The following CCNT2 variants were observed in gnomAD, a reference collection of about 807,000 sequenced individuals.
The protein encoded by CCNT2 is cyclin-T2.
CCNT2 carries 18 observed loss-of-function variants against 70.0 expected under a neutral mutation model. The ratio of observed to expected loss-of-function variants is 0.26; its 90% CI spans 0.18 to 0.38. CCNT2 has a LOEUF of 0.38. Ranked by LOEUF, CCNT2 falls within the 10% of genes least tolerant of loss-of-function variation. The pLI is 1.00. For synonymous variants in CCNT2, 334 were observed against 313.3 expected, an observed-to-expected ratio of 1.07 and a Z score of -0.70; for missense variants, 734 against 890.2, an observed-to-expected ratio of 0.82 and a Z score of 2.23.
intron 4 of CCNT2, among the ~76,000 whole-genome samples, chr2:134,940,482 AACAG>A (rs1424844469): frequency 6.7e-6 from 1 of 150,114 alleles, no homozygotes; most frequent in Non-Finnish European, 1.5e-5. Flanking sequence ...TAGGCACACA[AACAG>A]ACAATATGTG....
At chr2:134,925,955 T>C (rs1466362260) in intron 2 of CCNT2, among the ~76,000 whole-genome samples, 7 of 140,166 alleles carry the variant, frequency 5.0e-5, no homozygotes, top group African/African-American at 1.9e-4. Context: ...AGCATCAACC[T>C]CCTGGGTTCA....
chr2:134,930,287 A>G (rs1294625273), intron 2 of CCNT2, among the ~76,000 whole-genome samples: 2 of 152,220 alleles, frequency 1.3e-5, no homozygotes, highest in Admixed American at 6.5e-5. Context: ...AGGTCCGTTC[A>G]TGGTGTAGAA....
intron 5 of CCNT2, chr2:134,943,714 A>G: frequency 1.0e-6 from 1 of 985,212 alleles, no homozygotes. Context: ...TATTTTTTAC[A>G]CAGTTGCATG....
intron 5 of CCNT2, chr2:134,945,627 TGTGTTTTGTGGGGTG>T: frequency 3.0e-6 from 3 of 985,464 alleles, no homozygotes; most frequent in Non-Finnish European, 3.6e-6. Context: ...GTTTGTGCTC[TGTGTTTTGTGGGGTG>T]GGGGTTTGTT....
intron 2 of CCNT2, among the ~76,000 whole-genome samples, chr2:134,922,718 C>G (rs1680003764): frequency 6.6e-6 from 1 of 152,170 alleles, no homozygotes; most frequent in Admixed American, 6.5e-5. Context: ...GCACCCACCC[C>G]CCAAGTCACA....
rs1196921692 is a variant in CCNT2, at chr2:134,958,210, C to T, written c.*3562C>T. ...GGGGACTTTTTTAACATGGTAACGT[C>T]TTAGGAAAACCATTCTCTCAAGGTA... On this transcript the variant is annotated 3_prime_UTR_variant, in exon 9 of 9. Transcript: ENST00000264157. The T allele has an allele frequency of 6.6e-6, 1 of 152,198 alleles. No individual in the cohort carries two copies. The highest frequency in any genetic ancestry group is 2.4e-5 in the African/African-American group (1 of 41,450). 9.4% of individuals were successfully genotyped at this position (152,198 alleles called of 1,614,324 possible). A position where few individuals can be genotyped will look rare whatever the true frequency, so the allele number is the denominator to read the frequency against.
rs1682836988 is a variant in CCNT2, at chr2:134,954,920, G to T, written c.*272G>T. The T allele has an allele frequency of 3.0e-6, 1 of 334,672 alleles. No individual in the cohort carries two copies. Among genetic ancestry groups the T allele is most frequent in the Non-Finnish European group, 5.5e-6 (1 of 182,852 alleles). The allele number at this position is 334,672 out of a possible 1,614,324, so 20.7% of individuals were successfully genotyped here. A position where few individuals can be genotyped will look rare whatever the true frequency, so the allele number is the denominator to read the frequency against. ...GCAGCTAAGAACATTAGGATGAATG[G>T]CTGGCTGCTTCTAGGAATATAAGAT... On this transcript the variant is annotated 3_prime_UTR_variant, in exon 9 of 9. Transcript: ENST00000264157.
intron 5 of CCNT2, 96 bp downstream of exon 5, chr2:134,942,770 G>A: frequency 1.4e-6 from 2 of 1,405,144 alleles, no homozygotes; most frequent in Non-Finnish European, 1.9e-6. Flanking sequence ...CTTTTGTTAG[G>A]TTTCATTAAA....
At position 134,944,025 on chromosome 2, in the gene CCNT2, T is replaced by A. The variant is rs1681765390; in HGVS notation, c.493+1351T>A. 1.0e-5 allele frequency: 10 copies of A among 984,612 alleles called. No homozygotes were observed. In the South Asian group the frequency reaches 4.2e-4, roughly 42 times the overall value. 61.0% of individuals were successfully genotyped at this position (984,612 alleles called of 1,614,324 possible). ...TTAGTGGCTACAATTTTTTAAAAAC[T>A]GTCTGATAGTGTCATTAGGAAGTAG... On this transcript the variant is annotated intron_variant, in intron 5 of 8. Coordinates refer to ENST00000264157, the MANE Select transcript of CCNT2 (RefSeq NM_058241.3).
chr2:134,944,414 GGTTACT>G, intron 5 of CCNT2: 1 of 966,874 alleles, frequency 1.0e-6, no homozygotes, highest in South Asian at 4.8e-5. Context: ...TGGATTTTCA[GGTTACT>G]GTTGTGAAAT....
chr2:134,928,623 T>G (rs1680486476), intron 2 of CCNT2, among the ~76,000 whole-genome samples: 1 of 152,072 alleles, frequency 6.6e-6, no homozygotes, highest in Non-Finnish European at 1.5e-5. Context: ...GTCATTTGTA[T>G]CCACCAGCAA....
intron 2 of CCNT2, among the ~76,000 whole-genome samples, chr2:134,931,189 C>T (rs537246712): frequency 1.3e-5 from 2 of 149,986 alleles, no homozygotes; most frequent in African/African-American, 4.9e-5. Context: ...GTCTCGATCT[C>T]CTGACCTCGT....
chr2:134,927,648 C>T (rs1680392879), intron 2 of CCNT2, among the ~76,000 whole-genome samples: 2 of 152,080 alleles, frequency 1.3e-5, no homozygotes. Flanking sequence ...TTTTCAAGGC[C>T]ATTGCAGAAC....
At chr2:134,938,798 T>C (rs571075856) in intron 3 of CCNT2, among the ~76,000 whole-genome samples, 12 of 152,328 alleles carry the variant, frequency 7.9e-5, no homozygotes, top group Non-Finnish European at 1.6e-4. Context: ...TTCTGGTGTT[T>C]GTTTCCTGTT....
chr2:134,952,489 G>A (rs903054510), intron 7 of CCNT2, 152 bp from the exon 8 acceptor site: 2 of 423,056 alleles, frequency 4.7e-6, no homozygotes, highest in Admixed American at 4.4e-5. Flanking sequence ...CCGGTTGAGA[G>A]TTGTGTGTAC....
intron 2 of CCNT2, among the ~76,000 whole-genome samples, chr2:134,934,264 G>C (rs1680994430): frequency 6.6e-6 from 1 of 152,092 alleles, no homozygotes. Context: ...AAAATAAATA[G>C]TGCATGGTCC....
At chr2:134,945,383 AG>A in intron 5 of CCNT2, 6 of 985,422 alleles carry the variant, frequency 6.1e-6, no homozygotes, top group Non-Finnish European at 7.2e-6. Context: ...AGGCAGAATA[AG>A]GGGAGGGAAA....
intron 2 of CCNT2, among the ~76,000 whole-genome samples, chr2:134,926,344 G>A (rs987671750): frequency 6.6e-6 from 1 of 152,190 alleles, no homozygotes; most frequent in East Asian, 1.9e-4. Flanking sequence ...ATGTTCAGAA[G>A]TGTAGCAGCT....
At chr2:134,927,792 G>C (rs1553520261) in intron 2 of CCNT2, among the ~76,000 whole-genome samples, 1 of 152,056 alleles carries the variant, frequency 6.6e-6, no homozygotes, top group Non-Finnish European at 1.5e-5. Context: ...ACATGTTCTA[G>C]GGATTAGGGG....
Sources: gnomAD v4.1 joint callset for allele counts (sites outside exome capture counted in the v4.1 genomes callset) on GRCh38, gnomAD v4.1.1 for gene constraint, MANE v1.5 for transcripts, NCBI Gene and HGNC (gene_info 2026-07-23, HGNC 2026-07-21) for gene names.